The following PCSK2 variants were observed in gnomAD, a reference collection of about 807,000 sequenced individuals.
The protein encoded by PCSK2 is proprotein convertase subtilisin/kexin type 2.
PCSK2 carries 14 observed loss-of-function variants against 69.7 expected under a neutral mutation model. The ratio of observed to expected loss-of-function variants is 0.20; its 90% CI spans 0.13 to 0.31. The LOEUF (loss-of-function observed/expected upper bound fraction) is 0.31, where lower values mean the gene tolerates loss of function less well. Ranked by LOEUF, PCSK2 falls within the 10% of genes least tolerant of loss-of-function variation. The probability of loss-of-function intolerance (pLI) is 1.00; values close to 1 mark genes in which losing one functional copy is unlikely to be tolerated. For missense variants in PCSK2, 544 were observed against 842.5 expected (o/e 0.65, Z 4.39); for synonymous variants, 307 against 320.7 (o/e 0.96, Z 0.46).
At chr20:17,429,320 A>T in intron 6 of PCSK2, 115 bp from the exon 7 acceptor site, 1 of 755,310 alleles carries the variant, frequency 1.3e-6, no homozygotes, top group Non-Finnish European at 2.3e-6. Context: ...CACAGGGTTT[A>T]CTTGTATATG....
At chr20:17,230,828 C>T (rs1986120236) in intron 1 of PCSK2, among the ~76,000 whole-genome samples, 1 of 152,098 alleles carries the variant, frequency 6.6e-6, no homozygotes, top group Non-Finnish European at 1.5e-5. Flanking sequence ...TTTGTTTTCT[C>T]TCTAAAATGA....
At chr20:17,287,431 C>CTGTGTGTG (rs67695913) in intron 2 of PCSK2, among the ~76,000 whole-genome samples, 3,364 of 145,984 alleles carry the variant, frequency 0.023, 58 homozygotes, top group African/African-American at 0.045. Context: ...ATGTGCGTGT[C>CTGTGTGTG]TGTGTGTGTG....
intron 2 of PCSK2, among the ~76,000 whole-genome samples, chr20:17,266,659 A>G (rs1225537259): frequency 6.6e-6 from 1 of 152,216 alleles, no homozygotes; most frequent in African/African-American, 2.4e-5. Context: ...AGCAAGGAAG[A>G]GAACACTGGG....
intron 5 of PCSK2, among the ~76,000 whole-genome samples, chr20:17,371,738 T>C (rs1231999247): frequency 6.6e-6 from 1 of 152,124 alleles, no homozygotes. Flanking sequence ...TTTTATGTTA[T>C]TAAATATTCT....
chr20:17,260,276 A>T lies in PCSK2; in HGVS notation c.214A>T (p.Asn72Tyr). The change falls in exon 2 of 12, where the codon AAT becomes TAT. Residue 72 changes from asparagine to tyrosine, a missense_variant. Transcript: ENST00000262545. ...TGAAGGTCTGTACCACTTTTATCAC[A>T]ATGGCCTTGCAAAGGCCAAGAGAAG... ...FAEGLYHFYH[N>Y]GLAKAKRRRS... The T allele has an allele frequency of 1.2e-6, 2 of 1,613,246 alleles. No individual in the cohort carries two copies. Among genetic ancestry groups the T allele is most frequent in the Non-Finnish European group, 1.7e-6 (2 of 1,179,288 alleles).
chr20:17,332,059 C>A (rs986399666), intron 2 of PCSK2, among the ~76,000 whole-genome samples: 2 of 152,160 alleles, frequency 1.3e-5, no homozygotes, highest in African/African-American at 2.4e-5. Flanking sequence ...CATTTGTTAA[C>A]TTATTTAATT....
chr20:17,319,025 T>A (rs75078243), intron 2 of PCSK2, among the ~76,000 whole-genome samples: 1 of 152,226 alleles, frequency 6.6e-6, no homozygotes, highest in African/African-American at 2.4e-5. Context: ...GAAAAACATA[T>A]TTTTTCATCA....
chr20:17,271,887 C>G (rs920130321), intron 2 of PCSK2, among the ~76,000 whole-genome samples: 41 of 152,230 alleles, frequency 2.7e-4, no homozygotes, highest in Admixed American at 2.6e-3. Flanking sequence ...AGTCCCTACT[C>G]TACAACACCC....
At chr20:17,316,549 C>A (rs1444650438) in intron 2 of PCSK2, among the ~76,000 whole-genome samples, 1 of 152,182 alleles carries the variant, frequency 6.6e-6, no homozygotes, top group East Asian at 1.9e-4. Context: ...GCTCTCAAAT[C>A]CCAGTGTCAG....
intron 6 of PCSK2, among the ~76,000 whole-genome samples, chr20:17,409,933 A>G (rs1199498106): frequency 6.6e-6 from 1 of 152,202 alleles, no homozygotes; most frequent in Non-Finnish European, 1.5e-5. Flanking sequence ...CTTCAAGTAA[A>G]CATTTTTCTT....
intron 2 of PCSK2, among the ~76,000 whole-genome samples, chr20:17,286,651 T>C (rs956829269): frequency 5.9e-5 from 9 of 152,224 alleles, no homozygotes; most frequent in African/African-American, 2.2e-4. Flanking sequence ...CTGCCATATT[T>C]TGGTAGACGT....
intron 3 of PCSK2, among the ~76,000 whole-genome samples, chr20:17,359,699 T>G (rs372466896): frequency 1.3e-5 from 2 of 152,192 alleles, no homozygotes; most frequent in African/African-American, 4.8e-5. Context: ...CACAGTAAAT[T>G]TTTTAAAGAG....
intron 2 of PCSK2, among the ~76,000 whole-genome samples, chr20:17,339,296 A>G (rs1336006426): frequency 6.6e-6 from 1 of 152,234 alleles, no homozygotes; most frequent in East Asian, 1.9e-4. Flanking sequence ...AAATCAGTGA[A>G]CTCCATCAGA....
chr20:17,456,311 G>T, intron 9 of PCSK2, 37 bp from the exon 10 acceptor site: 2 of 1,137,540 alleles, frequency 1.8e-6, no homozygotes, highest in South Asian at 1.2e-5. Flanking sequence ...AAAATAGCGT[G>T]ATTTATCCAC....
chr20:17,394,923 T>C (rs760562710), intron 5 of PCSK2, among the ~76,000 whole-genome samples: 59 of 152,214 alleles, frequency 3.9e-4, no homozygotes, highest in Admixed American at 6.5e-5. Flanking sequence ...GAACCAGAAG[T>C]GCATTTAATC....
At chr20:17,429,586 T>C (rs2032323205) in intron 7 of PCSK2, 63 bp downstream of exon 7, 2 of 1,089,792 alleles carry the variant, frequency 1.8e-6, no homozygotes, top group Non-Finnish European at 2.6e-6. Flanking sequence ...AGGCTGACTG[T>C]GGCCCAGCAA....
At chr20:17,344,263 G>C (rs1020968305) in intron 2 of PCSK2, among the ~76,000 whole-genome samples, 1 of 152,190 alleles carries the variant, frequency 6.6e-6, no homozygotes, top group African/African-American at 2.4e-5. Context: ...TGCTTGGCTT[G>C]ACATATGAAT....
intron 5 of PCSK2, among the ~76,000 whole-genome samples, chr20:17,382,417 A>G (rs918577388): frequency 3.3e-5 from 5 of 152,128 alleles, no homozygotes; most frequent in Admixed American, 1.3e-4. Flanking sequence ...TGAGTAGCAA[A>G]ATGTGAAGTT....
chr20:17,457,598 A>G (rs1015013502), intron 10 of PCSK2, among the ~76,000 whole-genome samples: 2 of 152,222 alleles, frequency 1.3e-5, no homozygotes, highest in African/African-American at 2.4e-5. Context: ...AAGCTCAACT[A>G]TTAGGCACAG....
Sources: allele counts gnomAD v4.1 joint callset (sites outside exome capture counted in the v4.1 genomes callset), GRCh38; gene constraint gnomAD v4.1.1; transcripts MANE v1.5; gene names NCBI Gene and HGNC (gene_info 2026-07-23, HGNC 2026-07-21).